FRMPD4: variants seen among roughly 807,000 people sequenced by gnomAD.
FRMPD4 encodes the protein FERM and PDZ domain containing 4.
A neutral mutation model predicts 94.1 loss-of-function variants in FRMPD4; 22 were observed. That is an observed-to-expected ratio of 0.23 (90% confidence interval 0.17 to 0.33). The LOEUF (loss-of-function observed/expected upper bound fraction) is 0.33. Ranked by LOEUF, FRMPD4 falls within the 10% of genes least tolerant of loss-of-function variation. The pLI, the probability that FRMPD4 is intolerant of heterozygous loss-of-function variation, is 1.00. For missense variants in FRMPD4, 1,111 were observed against 1,339.9 expected (o/e 0.83, Z 2.67); for synonymous variants, 631 against 548.6 (o/e 1.15, Z -2.10).
chrX:12,440,588 GCT>G (rs1467591939), intron 1 of FRMPD4, among the ~76,000 whole-genome samples: 3 of 111,311 alleles, frequency 2.7e-5, no homozygotes, highest in Non-Finnish European at 5.7e-5. Context: ...GGTACTTTCA[GCT>G]CTCTCTAGTA....
At chrX:12,625,194 G>A (rs898064169) in intron 4 of FRMPD4, among the ~76,000 whole-genome samples, 3 of 111,605 alleles carry the variant, frequency 2.7e-5, no homozygotes, top group African/African-American at 9.7e-5. Context: ...TGGTGGGAAT[G>A]TAAATTAGTA....
chrX:11,964,639 A>T (rs932697652), intron 3 of FRMPD4, among the ~76,000 whole-genome samples: 2 of 112,215 alleles, frequency 1.8e-5, no homozygotes, highest in Admixed American at 1.9e-4. Flanking sequence ...CTAATATGAA[A>T]TGTATGGTCT....
intron 1 of FRMPD4, among the ~76,000 whole-genome samples, chrX:12,349,877 A>G (rs1345289254): frequency 8.9e-6 from 1 of 111,984 alleles, no homozygotes; most frequent in Non-Finnish European, 1.9e-5. Flanking sequence ...CCTAAAATGA[A>G]TATATGAAGC....
chrX:12,419,919 C>T (rs1023368470), intron 1 of FRMPD4, among the ~76,000 whole-genome samples: 4 of 111,142 alleles, frequency 3.6e-5, no homozygotes, highest in Non-Finnish European at 7.5e-5. Context: ...ACCTGTGGGG[C>T]CCTCACCTCC....
intron 3 of FRMPD4, among the ~76,000 whole-genome samples, chrX:11,912,193 G>C (rs992319309): frequency 8.9e-6 from 1 of 111,922 alleles, no homozygotes; most frequent in Non-Finnish European, 1.9e-5. Flanking sequence ...CTTTTCCTTT[G>C]CCTGTCAGTT....
In FRMPD4 at chrX:12,008,613, C is replaced by T. The variant is rs929448719; in HGVS notation, c.95+130595C>T. ...GAAAATGTAAGATCCATGGTAGCTCCATGAAATAAGAATTAAGATGTTGGG... is the reference window on the plus strand; with the variant it reads ...GAAAATGTAAGATCCATGGTAGCTCTATGAAATAAGAATTAAGATGTTGGG... On this transcript the variant is annotated intron_variant, in intron 3 of 18. Coordinates refer to the FRMPD4 transcript ENST00000640291. Among the ~76,000 whole-genome samples, 6 of 112,140 alleles carry T rather than the reference C, an allele frequency of 5.4e-5. No homozygotes were observed. In the East Asian group the frequency reaches 1.7e-3, roughly 31 times the overall value.
At chrX:12,267,610 C>T (rs964176943) in intron 1 of FRMPD4, among the ~76,000 whole-genome samples, 4 of 108,837 alleles carry the variant, frequency 3.7e-5, no homozygotes, top group Admixed American at 9.6e-5. Flanking sequence ...AGGAATGGTT[C>T]GCTTGAATAT....
At chrX:12,505,727 GAAAA>G (rs34064982) in intron 2 of FRMPD4, among the ~76,000 whole-genome samples, 2 of 46,320 alleles carry the variant, frequency 4.3e-5, no homozygotes, top group African/African-American at 2.0e-4. Context: ...AACTCCATCC[GAAAA>G]AAAAAAAAAA....
chrX:12,209,147 T>C (rs1343957337), intron 1 of FRMPD4, among the ~76,000 whole-genome samples: 1 of 112,055 alleles, frequency 8.9e-6, no homozygotes, highest in African/African-American at 3.2e-5. Context: ...CCGTCTTGAA[T>C]CAATATATAA....
At chrX:12,661,512 G>A (rs1001346420) in intron 4 of FRMPD4, among the ~76,000 whole-genome samples, 1 of 111,697 alleles carries the variant, frequency 9.0e-6, no homozygotes, top group South Asian at 3.8e-4. Context: ...TTACCCTAAT[G>A]ACTATGGTGG....
At chrX:11,833,908 G>T (rs2053488364) in intron 1 of FRMPD4, among the ~76,000 whole-genome samples, 1 of 111,600 alleles carries the variant, frequency 9.0e-6, no homozygotes, top group African/African-American at 3.3e-5. Flanking sequence ...GGAGTACTCT[G>T]TGATCCAGAT....
intron 2 of FRMPD4, among the ~76,000 whole-genome samples, chrX:12,543,839 A>C (rs924051323): frequency 6.4e-5 from 7 of 109,430 alleles, no homozygotes; most frequent in Non-Finnish European, 1.1e-4. Flanking sequence ...AACCAACCCA[A>C]ATGTCCAACA....
intron 3 of FRMPD4, among the ~76,000 whole-genome samples, chrX:11,923,585 G>T (rs936350779): frequency 8.9e-6 from 1 of 111,929 alleles, no homozygotes; most frequent in East Asian, 2.8e-4. Flanking sequence ...TAGATTCCAA[G>T]CTTGAGGAGC....
intron 1 of FRMPD4, among the ~76,000 whole-genome samples, chrX:12,274,776 G>A (rs960265902): frequency 8.9e-6 from 1 of 112,445 alleles, no homozygotes; most frequent in Non-Finnish European, 1.9e-5. Context: ...TTGGGAGGCC[G>A]AGGCGGGCGG....
intron 3 of FRMPD4, among the ~76,000 whole-genome samples, chrX:12,016,256 A>C (rs2054604260): frequency 9.0e-6 from 1 of 111,661 alleles, no homozygotes; most frequent in Non-Finnish European, 1.9e-5. Context: ...AGTCAAAGGA[A>C]ATGGAAGGAA....
chrX:12,147,687 T>C (rs1214611338), intron 1 of FRMPD4, among the ~76,000 whole-genome samples: 2 of 112,178 alleles, frequency 1.8e-5, no homozygotes, highest in African/African-American at 6.5e-5. Flanking sequence ...CATTGCACTC[T>C]GGTTTATTGG....
At chrX:12,195,588 C>T (rs376180976) in intron 1 of FRMPD4, among the ~76,000 whole-genome samples, 3 of 111,405 alleles carry the variant, frequency 2.7e-5, no homozygotes, top group African/African-American at 9.8e-5. Flanking sequence ...TGTCTGGTCA[C>T]GAAGTTACAG....
intron 1 of FRMPD4, among the ~76,000 whole-genome samples, chrX:12,183,764 T>G (rs1214523705): frequency 9.0e-6 from 1 of 111,115 alleles, no homozygotes; most frequent in Non-Finnish European, 1.9e-5. Flanking sequence ...TCACAATCCA[T>G]GGCTTTTTAA....
At chrX:12,594,598 G>A (rs1429131128) in intron 2 of FRMPD4, among the ~76,000 whole-genome samples, 1 of 110,028 alleles carries the variant, frequency 9.1e-6, no homozygotes, top group Admixed American at 9.7e-5. Context: ...ACCACGCCTG[G>A]CTAATTTTTT....
Sources: gnomAD v4.1 joint callset for allele counts (sites outside exome capture counted in the v4.1 genomes callset) on GRCh38, gnomAD v4.1.1 for gene constraint, MANE v1.5 for transcripts, NCBI Gene and HGNC (gene_info 2026-07-23, HGNC 2026-07-21) for gene names.